The following MACROD2 variants were observed in gnomAD, a reference collection of about 807,000 sequenced individuals.
The protein encoded by MACROD2 is ADP-ribose glycohydrolase MACROD2.
A neutral mutation model predicts 70.4 loss-of-function variants in MACROD2; 36 were observed. That is an observed-to-expected ratio of 0.51 (90% CI 0.39 to 0.68). MACROD2 has a LOEUF of 0.68. Ranked by LOEUF, MACROD2 falls within the 30% of genes least tolerant of loss-of-function variation. The probability of loss-of-function intolerance (pLI) is 0.00; values close to 1 mark genes in which losing one functional copy is unlikely to be tolerated. For missense variants in MACROD2, 496 were observed against 538.4 expected (o/e 0.92, Z 0.78); for synonymous variants, 172 against 178.8 (o/e 0.96, Z 0.30).
chr20:14,767,838 T>G (rs1167402725), intron 5 of MACROD2, among the ~76,000 whole-genome samples: 1 of 151,894 alleles, frequency 6.6e-6, no homozygotes, highest in African/African-American at 2.4e-5. Flanking sequence ...CCCCTCCCTG[T>G]GTCCATGTGT....
chr20:14,365,981 AT>A, intron 3 of MACROD2, among the ~76,000 whole-genome samples: 1 of 152,276 alleles, frequency 6.6e-6, no homozygotes, highest in East Asian at 1.9e-4. Flanking sequence ...GATGACTTCA[AT>A]TTTTTAAAAT....
intron 5 of MACROD2, among the ~76,000 whole-genome samples, chr20:15,144,625 CA>C (rs1275096121): frequency 9.9e-5 from 15 of 152,238 alleles, no homozygotes; most frequent in African/African-American, 2.6e-4. Context: ...GTCATAAGAG[CA>C]TAATTCAACT....
intron 8 of MACROD2, among the ~76,000 whole-genome samples, chr20:15,624,652 CG>C (rs1568936044): frequency 6.6e-6 from 1 of 152,008 alleles, no homozygotes; most frequent in African/African-American, 2.4e-5. Flanking sequence ...TGTCTCCAGC[CG>C]CTTTCTGACA....
intron 6 of MACROD2, among the ~76,000 whole-genome samples, chr20:15,338,680 G>C (rs1182721721): frequency 6.6e-6 from 1 of 151,448 alleles, no homozygotes; most frequent in Non-Finnish European, 1.5e-5. Context: ...GAAGAAACAG[G>C]CCTAGGGGGG....
At chr20:15,818,328 G>T (rs1169095455) in intron 8 of MACROD2, among the ~76,000 whole-genome samples, 1 of 152,138 alleles carries the variant, frequency 6.6e-6, no homozygotes, top group Non-Finnish European at 1.5e-5. Flanking sequence ...TGAATTATTC[G>T]TGAGTTTCCT....
chr20:15,258,461 TGTTTAGATAC>T (rs2077219430), intron 6 of MACROD2, among the ~76,000 whole-genome samples: 1 of 152,150 alleles, frequency 6.6e-6, no homozygotes, highest in Non-Finnish European at 1.5e-5. Context: ...TGTTTAGATA[TGTTTAGATAC>T]ACAAATACCA....
intron 8 of MACROD2, among the ~76,000 whole-genome samples, chr20:15,683,459 A>T (rs1471802916): frequency 6.6e-6 from 1 of 152,238 alleles, no homozygotes; most frequent in Non-Finnish European, 1.5e-5. Context: ...CTTTCAAAGC[A>T]TATAAAATTA....
At position 14,784,673 on chromosome 20, in the gene MACROD2, G is replaced by GT. The variant is rs367582954; in HGVS notation, c.418+99714_418+99715insT. ...GAAAAGGATGGTGTTTTAAGTGGGG[G>GT]GGGGGGGGCACCAGATTCAGTTACC... is the stretch of plus-strand genomic sequence containing the variant. On this transcript the variant is annotated intron_variant, in intron 5 of 17. Transcript: ENST00000684519. Among the ~76,000 whole-genome samples the GT allele has an allele frequency of 3.3e-5, 4 of 121,150 alleles. 1 individual carries two copies. Among genetic ancestry groups the GT allele is most frequent in the South Asian group, 2.7e-4 (1 of 3,716 alleles). The allele number at this position is 121,150 out of a possible 152,430, so 79.5% of individuals were successfully genotyped here.
chr20:14,071,621 A>G (rs900434038), intron 2 of MACROD2, among the ~76,000 whole-genome samples: 3 of 152,088 alleles, frequency 2.0e-5, no homozygotes, highest in East Asian at 1.9e-4. Context: ...TCTGCCTCAT[A>G]TCGTTAGTGA....
chr20:15,251,611 T>A (rs1166436562), intron 6 of MACROD2, among the ~76,000 whole-genome samples: 1 of 152,226 alleles, frequency 6.6e-6, no homozygotes, highest in Admixed American at 6.5e-5. Flanking sequence ...AATCTCCTTG[T>A]TCTCAATGAT....
At chr20:15,728,325 G>A (rs2050894458) in intron 8 of MACROD2, among the ~76,000 whole-genome samples, 1 of 152,072 alleles carries the variant, frequency 6.6e-6, no homozygotes, top group Admixed American at 6.6e-5. Flanking sequence ...GAGAATTTTT[G>A]TACCTATGTT....
At chr20:14,461,383 G>A (rs1319160892) in intron 3 of MACROD2, among the ~76,000 whole-genome samples, 1 of 151,764 alleles carries the variant, frequency 6.6e-6, no homozygotes, top group Non-Finnish European at 1.5e-5. Context: ...CCAGCTCCTG[G>A]ATTCACTGAT....
chr20:14,936,965 A>G (rs1196447544), intron 5 of MACROD2, among the ~76,000 whole-genome samples: 2 of 152,174 alleles, frequency 1.3e-5, no homozygotes, highest in African/African-American at 4.8e-5. Flanking sequence ...ACAAAAGAAA[A>G]AGAAGGAGCT....
In MACROD2 at chr20:15,476,524, A is replaced by AACAT. The variant is rs199658630; in HGVS notation, c.572-23246_572-23243dup. Reference sequence around the variant, plus strand: ...CCTCTCCTGAAAACAAAACAAAACAAACATACAGGCTTGGTTTTCCAATTT... The same window carrying AACAT: ...CCTCTCCTGAAAACAAAACAAAACAAACATACATACAGGCTTGGTTTTCCAATTT... On this transcript the variant is annotated intron_variant, in intron 7 of 17. Coordinates refer to ENST00000684519, the MANE Select transcript of MACROD2 (RefSeq NM_001351661.2). Among the ~76,000 whole-genome samples, 186 of 152,286 alleles carry AACAT rather than the reference A, an allele frequency of 1.2e-3. 2 individuals carry two copies. The East Asian group carries it at 0.033, about 27-fold the overall frequency.
At chr20:14,083,493 CACTT>C (rs781200723) in intron 2 of MACROD2, among the ~76,000 whole-genome samples, 1 of 151,846 alleles carries the variant, frequency 6.6e-6, no homozygotes, top group African/African-American at 2.4e-5. Context: ...GTAATGAACT[CACTT>C]ACAGTGGTTT....
chr20:15,465,453 GT>G (rs1432987836), intron 7 of MACROD2, among the ~76,000 whole-genome samples: 1 of 152,272 alleles, frequency 6.6e-6, no homozygotes, highest in Non-Finnish European at 1.5e-5. Flanking sequence ...CTTCAGCAAG[GT>G]TCTGGCCCAG....
At chr20:15,457,577 G>A (rs1035981139) in intron 7 of MACROD2, among the ~76,000 whole-genome samples, 13 of 152,062 alleles carry the variant, frequency 8.5e-5, no homozygotes, top group African/African-American at 1.2e-4. Flanking sequence ...CTCCAGTACC[G>A]TCCATGATGA....
rs1600984054 is a variant in MACROD2 at position 15,038,161 on chromosome 20, A to G, written c.419-191779A>G. Among the ~76,000 whole-genome samples, 3 of 152,254 alleles carry G rather than the reference A, an allele frequency of 2.0e-5. No homozygotes were observed. The East Asian group carries it at 5.8e-4, about 29-fold the overall frequency. ...ACCTAGCTAATAACATTATTAGCAC[A>G]TAAGAAATAATCATATAGTTCTTTT... On this transcript the variant is annotated intron_variant, in intron 5 of 17. Coordinates refer to ENST00000684519, the MANE Select transcript of MACROD2 (RefSeq NM_001351661.2).
chr20:15,231,144 T>C (rs2076955836), intron 6 of MACROD2, among the ~76,000 whole-genome samples: 3 of 151,996 alleles, frequency 2.0e-5, no homozygotes, highest in Admixed American at 2.0e-4. Context: ...CTGCTTGAAA[T>C]AAGGAAACTT....
Sources: allele counts gnomAD v4.1 joint callset (sites outside exome capture counted in the v4.1 genomes callset), GRCh38; gene constraint gnomAD v4.1.1; transcripts MANE v1.5; gene names NCBI Gene and HGNC (gene_info 2026-07-23, HGNC 2026-07-21).